The following RAD51B variants were observed in gnomAD, a reference collection of about 807,000 sequenced individuals.
The protein encoded by RAD51B is RAD51 paralog B, also known as DNA repair protein RAD51 homolog 2.
In RAD51B, 38 loss-of-function variants were observed where a neutral mutation model predicts 42.2. The ratio of observed to expected loss-of-function variants is 0.90; its 90% CI spans 0.70 to 1.18. RAD51B has a LOEUF of 1.18. Among genes scored for constraint, RAD51B ranks in the 50% most tolerant of loss-of-function variants. The pLI is 0.00. For missense variants in RAD51B, 373 were observed against 400.7 expected, an observed-to-expected ratio of 0.93 and a Z score of 0.59; for synonymous variants, 154 against 145.2, an observed-to-expected ratio of 1.06 and a Z score of -0.43.
intron 11 of RAD51B, among the ~76,000 whole-genome samples, chr14:68,680,029 T>C (rs1479047201): frequency 6.6e-6 from 1 of 152,222 alleles, no homozygotes; most frequent in African/African-American, 2.4e-5. Context: ...TGGTTTTTTT[T>C]CCATATGAGC....
intron 10 of RAD51B, chr14:68,540,946 C>T (rs1351869776): frequency 1.0e-6 from 1 of 985,462 alleles, no homozygotes; most frequent in Non-Finnish European, 1.2e-6. Flanking sequence ...ATGCTTTCTT[C>T]ACCCACAACT....
chr14:68,318,693 G>A (rs1015517860), intron 8 of RAD51B, among the ~76,000 whole-genome samples: 2 of 152,236 alleles, frequency 1.3e-5, no homozygotes, highest in African/African-American at 4.8e-5. Flanking sequence ...CCAGGCTGCA[G>A]CTGTAGCTAG....
intron 9 of RAD51B, among the ~76,000 whole-genome samples, chr14:68,415,049 A>G (rs1226264537): frequency 6.7e-6 from 1 of 149,760 alleles, no homozygotes; most frequent in African/African-American, 2.5e-5. Context: ...AAAAAAAAAA[A>G]AAAAAAAAAA....
At chr14:68,585,333 C>T (rs1215956960) in intron 10 of RAD51B, among the ~76,000 whole-genome samples, 1 of 152,310 alleles carries the variant, frequency 6.6e-6, no homozygotes, top group Non-Finnish European at 1.5e-5. Flanking sequence ...GGCAGGGAGG[C>T]CGGCTCCTTT....
intron 11 of RAD51B, among the ~76,000 whole-genome samples, chr14:68,659,031 C>T (rs1450543441): frequency 6.6e-6 from 1 of 152,156 alleles, no homozygotes; most frequent in Non-Finnish European, 1.5e-5. Flanking sequence ...CCATAACATG[C>T]CACCAAGCCC....
At chr14:68,007,579 T>C (rs1156696224) in intron 7 of RAD51B, among the ~76,000 whole-genome samples, 1 of 152,064 alleles carries the variant, frequency 6.6e-6, no homozygotes, top group African/African-American at 2.4e-5. Flanking sequence ...TGGTATATCA[T>C]GGTTTTGATT....
In RAD51B at chr14:68,386,671, C is replaced by T. The variant is rs17105518; in HGVS notation, c.854-24753C>T. On this transcript the variant is annotated intron_variant, in intron 8 of 10. Coordinates refer to ENST00000471583, the MANE Select transcript of RAD51B (RefSeq NM_133510.4). ...TGTCCTCTAATCCCACTGGATTGCA[C>T]GTGCCTTTTAGCACTGGAGGTTCTG... 8.8e-3 allele frequency among the ~76,000 whole-genome samples: 1,343 copies of T among 152,266 alleles called. 21 individuals carry two copies. Among genetic ancestry groups the T allele is most frequent in the African/African-American group, 0.029 (1,224 of 41,540 alleles).
intron 7 of RAD51B, among the ~76,000 whole-genome samples, chr14:68,080,004 A>C (rs2076889750): frequency 6.6e-6 from 1 of 152,228 alleles, no homozygotes; most frequent in African/African-American, 2.4e-5. Flanking sequence ...GATAGTTCAC[A>C]AATTTCCTGG....
intron 8 of RAD51B, among the ~76,000 whole-genome samples, chr14:68,300,279 C>T (rs1169140003): frequency 6.6e-6 from 1 of 152,170 alleles, no homozygotes; most frequent in Non-Finnish European, 1.5e-5. Flanking sequence ...CCATTGCCCT[C>T]ACTGTAGCCT....
chr14:68,369,152 T>C (rs940128436), intron 8 of RAD51B, among the ~76,000 whole-genome samples: 2 of 152,226 alleles, frequency 1.3e-5, no homozygotes, highest in African/African-American at 4.8e-5. Context: ...CATATTGACA[T>C]TACCCACTGG....
At chr14:67,955,228 G>A (rs999227614) in intron 7 of RAD51B, among the ~76,000 whole-genome samples, 2 of 152,144 alleles carry the variant, frequency 1.3e-5, no homozygotes, top group African/African-American at 4.8e-5. Flanking sequence ...ATGAAAGGCT[G>A]CATTCAGAAA....
At chr14:68,106,046 A>G (rs1325697243) in intron 7 of RAD51B, among the ~76,000 whole-genome samples, 1 of 151,968 alleles carries the variant, frequency 6.6e-6, no homozygotes, top group African/African-American at 2.4e-5. Context: ...TCTTTTTAGA[A>G]GATAAAACTG....
At chr14:67,838,379 G>A (rs542429649) in intron 4 of RAD51B, among the ~76,000 whole-genome samples, 1 of 152,070 alleles carries the variant, frequency 6.6e-6, no homozygotes, top group East Asian at 1.9e-4. Flanking sequence ...ACGGTGGGTG[G>A]ATGTGGGAAA....
intron 7 of RAD51B, among the ~76,000 whole-genome samples, chr14:67,912,784 C>T (rs965601017): frequency 3.3e-5 from 5 of 151,728 alleles, no homozygotes; most frequent in African/African-American, 1.2e-4. Flanking sequence ...CGGCTCACTG[C>T]AACCTCTGTC....
At chr14:67,979,077 A>C (rs1047340591) in intron 7 of RAD51B, among the ~76,000 whole-genome samples, 1 of 152,182 alleles carries the variant, frequency 6.6e-6, no homozygotes, top group Non-Finnish European at 1.5e-5. Flanking sequence ...ATGGCTAGCC[A>C]TTTTCTAAAC....
intron 7 of RAD51B, among the ~76,000 whole-genome samples, chr14:67,969,037 C>A (rs955720434): frequency 1.3e-5 from 2 of 152,108 alleles, no homozygotes; most frequent in African/African-American, 4.8e-5. Flanking sequence ...TGAGAGGATG[C>A]AAAAGTGGAA....
downstream of RAD51B, among the ~76,000 whole-genome samples, chr14:68,482,349 C>G (rs941608921): frequency 3.3e-5 from 5 of 152,108 alleles, no homozygotes; most frequent in Admixed American, 3.3e-4. Context: ...CCCAGAGAGC[C>G]TTGAACTCTG....
At chr14:68,292,319 T>C (rs1428951220) in intron 8 of RAD51B, among the ~76,000 whole-genome samples, 1 of 152,242 alleles carries the variant, frequency 6.6e-6, no homozygotes, top group East Asian at 1.9e-4. Flanking sequence ...CCTAGCAATT[T>C]AGCCTTTTGC....
chr14:68,093,139 A>G lies in RAD51B; in HGVS notation c.757-198745A>G, dbSNP rs1020847938. On this transcript the variant is annotated intron_variant, in intron 7 of 10. Transcript: ENST00000471583. ...GAGGATTTTTGCATCAATGTTCATC[A>G]AGGATATTGGTCTAAAATTCTCTTT... is the stretch of plus-strand genomic sequence containing the variant. Among the ~76,000 whole-genome samples the G allele has an allele frequency of 2.9e-3, 440 of 150,534 alleles. 2 individuals carry two copies. Among genetic ancestry groups the G allele is most frequent in the African/African-American group, 0.01 (422 of 40,842 alleles).
Sources: gnomAD v4.1 joint callset for allele counts (sites outside exome capture counted in the v4.1 genomes callset) on GRCh38, gnomAD v4.1.1 for gene constraint, MANE v1.5 for transcripts, NCBI Gene and HGNC (gene_info 2026-07-23, HGNC 2026-07-21) for gene names.